The following CAVIN1 variants were observed in gnomAD, a reference collection of about 807,000 sequenced individuals.
CAVIN1 encodes the protein caveolae-associated protein 1.
CAVIN1 carries 16 observed loss-of-function variants against 24.0 expected under a neutral mutation model. That is an observed-to-expected ratio of 0.67 (90% confidence interval 0.45 to 1.01). CAVIN1 has a LOEUF of 1.01. Ranked by LOEUF, CAVIN1 falls within the 50% of genes least tolerant of loss-of-function variation. The pLI, the probability that CAVIN1 is intolerant of heterozygous loss-of-function variation, is 0.00. For missense variants in CAVIN1, 510 were observed against 551.7 expected, an observed-to-expected ratio of 0.92 and a Z score of 0.76; for synonymous variants, 256 against 256.4, an observed-to-expected ratio of 1.00 and a Z score of 0.02.
intron 1 of CAVIN1, chr17:42,411,579 A>G: frequency 1.0e-6 from 1 of 985,380 alleles, no homozygotes; most frequent in Non-Finnish European, 1.2e-6. Flanking sequence ...TCTAAAAGAA[A>G]CTGGAGAAAA....
rs868528569 is a variant in CAVIN1, at chr17:42,405,107, G to A, written c.753C>T (p.Asn251=). 6.2e-7 allele frequency: 1 copy of A among 1,613,750 alleles called. No individual in the cohort carries two copies. The highest frequency in any genetic ancestry group is 8.5e-7 in the Non-Finnish European group (1 of 1,179,972). ...TGGTCTTGAGGCGCGTCTTCTCCAG[G>A]TTCTCGCGGGTACGCACCTTGGTCT... The part of the protein sequence containing the change: ...MEKTKVRTRE[N]LEKTRLKTKE... Residue 251 remains asparagine (N), a synonymous_variant, in exon 2 of 2, where the codon AAC becomes AAT. Transcript: ENST00000357037.
chr17:42,411,197 A>AAAAAAACAAAAC (rs1465523516), intron 1 of CAVIN1, among the ~76,000 whole-genome samples: 2 of 145,798 alleles, frequency 1.4e-5, no homozygotes, highest in African/African-American at 5.0e-5. Context: ...TGTCTCAAAA[A>AAAAAAACAAAAC]AAAAAAAAAA....
rs1414466623 is a variant in CAVIN1 at position 42,404,567 on chromosome 17, G to T, written c.*120C>A. 1.5e-6 allele frequency: 1 copy of T among 656,026 alleles called. No homozygotes were observed. The highest frequency in any genetic ancestry group is 2.0e-5 in the African/African-American group (1 of 51,172). The allele number at this position is 656,026 out of a possible 1,614,324, so 40.6% of individuals were successfully genotyped here. ...AAGACTGGGAGTGGAGTTCCTGGAG[G>T]TGTGGGGAGGGGGGCGTGTTTTCAA... On this transcript the variant is annotated 3_prime_UTR_variant, in exon 2 of 2. Coordinates refer to ENST00000357037, the MANE Select transcript of CAVIN1 (RefSeq NM_012232.6).
chr17:42,405,329 C>A lies in CAVIN1; in HGVS notation c.531G>T (p.Ala177=). The A allele has an allele frequency of 1.9e-6, 3 of 1,610,062 alleles. No individual in the cohort carries two copies. The highest frequency in any genetic ancestry group is 2.5e-6 in the Non-Finnish European group (3 of 1,179,990). ...SISKSLKESE[A]LPEKEGEELG... ...GCTCCTCGCCCTCCTTCTCTGGCAG[C>A]GCCTCCGACTCTTTCAGCGATTTGC... The change falls in exon 2 of 2, where the codon GCG becomes GCT. Residue 177 remains alanine (A), a synonymous_variant. Transcript: ENST00000357037.
rs557765387 is a variant in CAVIN1, at chr17:42,406,781, A to G, written c.472-1393T>C. On this transcript the variant is annotated intron_variant, in intron 1 of 1. Coordinates refer to ENST00000357037, the MANE Select transcript of CAVIN1 (RefSeq NM_012232.6). Reference sequence around the variant, plus strand: ...ATACTGTTTGGCTCCACCAGTGGTCATTCTCCCCCTCCCCCACATTTAGAA... The same window carrying G: ...ATACTGTTTGGCTCCACCAGTGGTCGTTCTCCCCCTCCCCCACATTTAGAA... 1.9e-4 allele frequency among the ~76,000 whole-genome samples: 29 copies of G among 149,736 alleles called. No individual in the cohort carries two copies. In the East Asian group the frequency reaches 5.8e-3, roughly 30 times the overall value.
At chr17:42,409,430 T>G (rs2085463502) in intron 1 of CAVIN1, among the ~76,000 whole-genome samples, 1 of 151,992 alleles carries the variant, frequency 6.6e-6, no homozygotes, top group Non-Finnish European at 1.5e-5. Flanking sequence ...GATTTAGAAA[T>G]CTCTCCAGAC....
At position 42,404,144 on chromosome 17, in the gene CAVIN1, C is replaced by T. The variant is rs1439944519; in HGVS notation, c.*543G>A. The T allele has an allele frequency of 6.5e-6, 1 of 153,108 alleles. No homozygotes were observed. The highest frequency in any genetic ancestry group is 1.9e-4 in the East Asian group (1 of 5,336). 9.5% of individuals were successfully genotyped at this position (153,108 alleles called of 1,614,324 possible). A position where few individuals can be genotyped will look rare whatever the true frequency, so the allele number is the denominator to read the frequency against. On this transcript the variant is annotated 3_prime_UTR_variant, in exon 2 of 2. Transcript: ENST00000357037. ...TGGACCCCCAGCCAGGGTGAGGGCT[C>T]ATTCTGCTCTGTCTTCCCCACTGCC...
intron 1 of CAVIN1, among the ~76,000 whole-genome samples, chr17:42,414,469 T>C: frequency 6.6e-6 from 1 of 151,894 alleles, no homozygotes; most frequent in Admixed American, 6.6e-5. Flanking sequence ...AAACTCCTAG[T>C]CTCAAGCAAT....
At chr17:42,408,790 C>CA (rs2145475684) in intron 1 of CAVIN1, among the ~76,000 whole-genome samples, 1 of 120,808 alleles carries the variant, frequency 8.3e-6, no homozygotes, top group East Asian at 2.6e-4. Context: ...CGTGCCCGGC[C>CA]TTTTTTTTTT....
chr17:42,407,605 C>T (rs1354747118), intron 1 of CAVIN1, among the ~76,000 whole-genome samples: 1 of 152,186 alleles, frequency 6.6e-6, no homozygotes, highest in Non-Finnish European at 1.5e-5. Flanking sequence ...GGCTCCACCT[C>T]TTCTCTCATC....
In CAVIN1 at chr17:42,411,593, G is replaced by A. The variant is rs190852871; in HGVS notation, c.472-6205C>T. On this transcript the variant is annotated intron_variant, in intron 1 of 1. Coordinates refer to ENST00000357037, the MANE Select transcript of CAVIN1 (RefSeq NM_012232.6). ...TTCTAAAAGAAACTGGAGAAAATAC[G>A]TGTAAATGTTTTCCTCAGCTGCAGG... 1.3e-4 allele frequency: 128 copies of A among 985,340 alleles called. No individual in the cohort carries two copies. In the African/African-American group the frequency reaches 2.1e-3, roughly 16 times the overall value. 61.0% of individuals were successfully genotyped at this position (985,340 alleles called of 1,614,324 possible).
chr17:42,423,098 G>C lies in CAVIN1; in HGVS notation c.-1C>G, dbSNP rs749831851. 2 of 1,567,896 alleles carry C rather than the reference G, an allele frequency of 1.3e-6. No homozygotes were observed. Among genetic ancestry groups the C allele is most frequent in the African/African-American group, 2.7e-5 (2 of 73,510 alleles). On this transcript the variant is annotated 5_prime_UTR_variant, in exon 1 of 2. Transcript: ENST00000357037. ...CAATATAGAGCGTGGGGTCCTCCAT[G>C]GCTACCCGGAGCCGTGCGGGACCGG...
At position 42,423,014 on chromosome 17, in the gene CAVIN1, C is replaced by A. The variant is rs775911300; in HGVS notation, c.84G>T (p.Gly28=). The A allele has an allele frequency of 6.2e-7, 1 of 1,612,746 alleles. No individual in the cohort carries two copies. The highest frequency in any genetic ancestry group is 1.7e-5 in the Admixed American group (1 of 59,902). The change falls in exon 1 of 2, where the codon GGG becomes GGT. Residue 28 remains glycine (G), a synonymous_variant. Coordinates refer to ENST00000357037, the MANE Select transcript of CAVIN1 (RefSeq NM_012232.6). ...CCGACGGCTCCTCCGCTGCCTGAGC[C>A]CCAGCGGAGGAAGGCTCCGGGGCCT... ...DAEAPEPSSA[G]AQAAEEPSGA...
rs2085427324 is a variant in CAVIN1, at chr17:42,404,095, A to G, written c.*592T>C. ...CTCTTGGCTCCAGCGTTCCTCTGGG[A>G]CCCTCTGCAGATACAGCCTGTGCTG... On this transcript the variant is annotated 3_prime_UTR_variant, in exon 2 of 2. Coordinates refer to ENST00000357037, the MANE Select transcript of CAVIN1 (RefSeq NM_012232.6). The G allele has an allele frequency of 6.6e-6, 1 of 152,256 alleles. No individual in the cohort carries two copies. Among genetic ancestry groups the G allele is most frequent in the Non-Finnish European group, 1.5e-5 (1 of 68,344 alleles). 9.4% of individuals were successfully genotyped at this position (152,256 alleles called of 1,614,324 possible). A position where few individuals can be genotyped will look rare whatever the true frequency, so the allele number is the denominator to read the frequency against.
Position 42,404,920 on chromosome 17 carries a change from C to A in CAVIN1, c.940G>T (p.Ala314Ser). 6.2e-7 allele frequency: 1 copy of A among 1,614,088 alleles called. No individual in the cohort carries two copies. The highest frequency in any genetic ancestry group is 8.5e-7 in the Non-Finnish European group (1 of 1,179,962). Reference protein sequence around the residue: ...DHVVYARSKTAVYKVPPFTFH... With the variant: ...DHVVYARSKTSVYKVPPFTFH... The stretch of plus-strand genomic sequence containing the variant: ...GTGAAGGGTGGCACCTTGTAGACCG[C>A]GGTCTTGGAGCGCGCGTACACCACG... The change falls in exon 2 of 2, where the codon GCG becomes TCG. Residue 314 changes from alanine to serine, a missense_variant. Physicochemically the swap from Ala to Ser is moderately conservative, Grantham distance 99 (BLOSUM62 1). Transcript: ENST00000357037.
At chr17:42,417,191 T>C (rs2085517166) in intron 1 of CAVIN1, among the ~76,000 whole-genome samples, 1 of 152,152 alleles carries the variant, frequency 6.6e-6, no homozygotes, top group African/African-American at 2.4e-5. Flanking sequence ...TGGTGGCTTA[T>C]GCCTGTAATC....
chr17:42,412,837 G>C (rs1013138912), intron 1 of CAVIN1, among the ~76,000 whole-genome samples: 2 of 151,558 alleles, frequency 1.3e-5, no homozygotes, highest in African/African-American at 4.9e-5. Flanking sequence ...GGCTGGTCTT[G>C]AACTCCTGGC....
chr17:42,407,943 A>T (rs991845719), intron 1 of CAVIN1, among the ~76,000 whole-genome samples: 1 of 152,006 alleles, frequency 6.6e-6, no homozygotes, highest in African/African-American at 2.4e-5. Flanking sequence ...AGTGCATATC[A>T]TTTAAGACTT....
Position 42,423,070 on chromosome 17 carries a change from C to T in CAVIN1, c.28G>A (p.Glu10Lys), listed in dbSNP as rs560641597. Residue 10 changes from glutamate (E) to lysine (K), a missense_variant, in exon 1 of 2, where the codon GAG (glutamate) becomes AAG (lysine). Glu to Lys is a moderately conservative substitution (Grantham distance 56, BLOSUM62 1). Transcript: ENST00000357037. Reference sequence around the variant, plus strand: ...TCGGGGTACCCGGGAAGCGGCCGCTCGACAATATAGAGCGTGGGGTCCTCC... The same window carrying T: ...TCGGGGTACCCGGGAAGCGGCCGCTTGACAATATAGAGCGTGGGGTCCTCC... Reference protein sequence around the residue: MEDPTLYIVERPLPGYPDAE... With the variant: MEDPTLYIVKRPLPGYPDAE... 6 of 1,600,344 alleles carry T rather than the reference C, an allele frequency of 3.7e-6. No homozygotes were observed. The highest frequency in any genetic ancestry group is 1.1e-5 in the South Asian group (1 of 89,706).
Sources: allele counts gnomAD v4.1 joint callset (sites outside exome capture counted in the v4.1 genomes callset), GRCh38; gene constraint gnomAD v4.1.1; transcripts MANE v1.5; gene names NCBI Gene and HGNC (gene_info 2026-07-23, HGNC 2026-07-21).